Variants in NKD1 observed in about 807,000 individuals in gnomAD.
The protein encoded by NKD1 is NKD inhibitor of Wnt signaling pathway 1, also known as protein naked cuticle homolog 1.
Under a neutral mutation model 56.0 loss-of-function variants are expected in NKD1, and 21 were observed. The observed-to-expected ratio is 0.38, with a 90% CI of 0.27 to 0.54. The LOEUF is 0.54. Ranked by LOEUF, NKD1 falls within the 20% of genes least tolerant of loss-of-function variation. The pLI is 0.82. For missense variants in NKD1, 578 were observed against 642.7 expected (o/e 0.90, Z 1.09); for synonymous variants, 263 against 265.7 (o/e 0.99, Z 0.10).
Position 50,598,472 on chromosome 16 carries a change from C to T in NKD1, c.193-9822C>T, listed in dbSNP as rs1961524992. On this transcript the variant is annotated intron_variant, in intron 3 of 9. Coordinates refer to ENST00000268459, the MANE Select transcript of NKD1 (RefSeq NM_033119.5). This position sits in a 1 kb window ranked among gnomAD's most constrained non-coding sequence, Gnocchi z 4.2. ...TGGGCAGGAGCACACATCCTTTCCC[C>T]ACAGTGAGGTGGCCTATGGCTATGG... Among the ~76,000 whole-genome samples the T allele has an allele frequency of 6.6e-6, 1 of 152,192 alleles. No individual in the cohort carries two copies. Among genetic ancestry groups the T allele is most frequent in the Admixed American group, 6.5e-5 (1 of 15,288 alleles).
chr16:50,569,292 T>C (rs942203391), intron 3 of NKD1, among the ~76,000 whole-genome samples: 2 of 152,220 alleles, frequency 1.3e-5, no homozygotes, highest in African/African-American at 4.8e-5. Context: ...TGGCCCCTTT[T>C]CCTGCTTCCA....
At chr16:50,576,497 T>G (rs1960997015) in intron 3 of NKD1, among the ~76,000 whole-genome samples, 1 of 152,196 alleles carries the variant, frequency 6.6e-6, no homozygotes, top group Admixed American at 6.5e-5. Flanking sequence ...TTGTTATGTT[T>G]CTGATTATCC....
intron 3 of NKD1, chr16:50,606,935 T>G (rs1203589775): frequency 2.2e-6 from 1 of 456,664 alleles, no homozygotes; most frequent in African/African-American, 2.0e-5. Context: ...ATCCCTTTCC[T>G]GTCATCGTCT....
At chr16:50,568,681 G>T (rs577094738) in intron 3 of NKD1, among the ~76,000 whole-genome samples, 51 of 152,228 alleles carry the variant, frequency 3.4e-4, no homozygotes, top group African/African-American at 1.2e-3. Flanking sequence ...GGCCTCCTTA[G>T]CAGGTTGGAG....
At position 50,639,177 on chromosome 16, in the gene NKD1, TGA is replaced by T. The variant is rs1962529995; in HGVS notation, c.*5397_*5398del. ...CATCATGATGTTTCAGGCCCCCAGG[TGA>T]CTTCTTAGGCAGCCCAGCTAAGCCC... On this transcript the variant is annotated 3_prime_UTR_variant, in exon 10 of 10. Transcript: ENST00000268459. The T allele has an allele frequency of 6.6e-6, 1 of 151,998 alleles. No homozygotes were observed. The highest frequency in any genetic ancestry group is 1.5e-5 in the Non-Finnish European group (1 of 68,030). The allele number at this position is 151,998 out of a possible 1,614,324, so 9.4% of individuals were successfully genotyped here.
chr16:50,617,935 T>G (rs922501500), intron 4 of NKD1, among the ~76,000 whole-genome samples: 57 of 152,286 alleles, frequency 3.7e-4, no homozygotes, highest in African/African-American at 1.4e-3. Context: ...TAGTATGTAT[T>G]TTAGACTTTG....
intron 3 of NKD1, among the ~76,000 whole-genome samples, chr16:50,593,686 A>G (rs1312645110): frequency 6.6e-6 from 1 of 152,064 alleles, no homozygotes; most frequent in African/African-American, 2.4e-5. Flanking sequence ...GGGTGAGAGG[A>G]ATGGAGGGGC....
At chr16:50,586,745 C>G (rs1393302142) in intron 3 of NKD1, among the ~76,000 whole-genome samples, 1 of 152,208 alleles carries the variant, frequency 6.6e-6, no homozygotes, top group Non-Finnish European at 1.5e-5. Flanking sequence ...TCTGTGCATC[C>G]TGTACAGAAG....
chr16:50,557,986 G>A (rs967767534), intron 3 of NKD1: 1 of 152,238 alleles, frequency 6.6e-6, no homozygotes, highest in African/African-American at 2.4e-5. Flanking sequence ...TCTGAGAGGG[G>A]TGGGAACCGG....
At chr16:50,548,651 T>C (rs1960293216) in intron 1 of NKD1, 66 bp from the exon 2 acceptor site, 2 of 1,463,336 alleles carry the variant, frequency 1.4e-6, no homozygotes. Context: ...CTCTCTCCCT[T>C]CCTTTCTTTC....
At position 50,642,833 on chromosome 16, in the gene NKD1, C is replaced by T. The variant is rs1298330566; in HGVS notation, c.*9052C>T. On this transcript the variant is annotated 3_prime_UTR_variant, in exon 10 of 10. Transcript: ENST00000268459. The stretch of plus-strand genomic sequence containing the variant: ...TGGCATGCTGCCTCTGCTACACACT[C>T]AAAAAACACTTGAGGACATGACTTT... 1 of 152,220 alleles carries T rather than the reference C, an allele frequency of 6.6e-6. No individual in the cohort carries two copies. Among genetic ancestry groups the T allele is most frequent in the Non-Finnish European group, 1.5e-5 (1 of 68,064 alleles). 9.4% of individuals were successfully genotyped at this position (152,220 alleles called of 1,614,324 possible).
intron 3 of NKD1, chr16:50,555,832 A>G (rs190034498): frequency 6.6e-6 from 1 of 152,428 alleles, no homozygotes; most frequent in East Asian, 1.9e-4. Flanking sequence ...GTTGGATTCC[A>G]AACCAGGCAC....
chr16:50,610,435 G>A (rs889516371), intron 4 of NKD1, among the ~76,000 whole-genome samples: 7 of 152,316 alleles, frequency 4.6e-5, no homozygotes, highest in Middle Eastern at 6.8e-3. Context: ...CCCAGGGTGG[G>A]GGATATGGTG....
At chr16:50,596,189 C>T (rs549616694) in intron 3 of NKD1, among the ~76,000 whole-genome samples, 1 of 152,240 alleles carries the variant, frequency 6.6e-6, no homozygotes, top group East Asian at 1.9e-4. Context: ...TGGAAGGGAG[C>T]AATGGGGTCT....
At position 50,634,281 on chromosome 16, in the gene NKD1, C is replaced by T. The variant is rs1962420549; in HGVS notation, c.*500C>T. ...ATATGCTACAAGGGATTTCAGTGGA[C>T]TGCAGAGTGCGAACGTCTTGCTGTT... On this transcript the variant is annotated 3_prime_UTR_variant, in exon 10 of 10. Transcript: ENST00000268459. 6.5e-6 allele frequency: 1 copy of T among 153,078 alleles called. No homozygotes were observed. Among genetic ancestry groups the T allele is most frequent in the African/African-American group, 2.4e-5 (1 of 41,472 alleles). The allele number at this position is 153,078 out of a possible 1,614,324, so 9.5% of individuals were successfully genotyped here. A position where few individuals can be genotyped will look rare whatever the true frequency, so the allele number is the denominator to read the frequency against.
chr16:50,613,976 C>G (rs1157037542), intron 4 of NKD1, among the ~76,000 whole-genome samples: 1 of 152,188 alleles, frequency 6.6e-6, no homozygotes, highest in East Asian at 1.9e-4. Context: ...CCGCTTTTCC[C>G]CCTTTTTTGT....
chr16:50,549,681 A>C, intron 3 of NKD1, 126 bp downstream of exon 3: 11 of 968,864 alleles, frequency 1.1e-5, no homozygotes, highest in Admixed American at 3.5e-5. Context: ...ATCTCTTCTC[A>C]GCTGCCCCCT....
Position 50,600,876 on chromosome 16 carries a change from T to C in NKD1, c.193-7418T>C, listed in dbSNP as rs533656775. On this transcript the variant is annotated intron_variant, in intron 3 of 9. Transcript: ENST00000268459. ...CTCCTTGCTGGCTGTCCACCTTCCC[T>C]GTGCAAACTCTCAAGCCCAGGAAGC... Among the ~76,000 whole-genome samples, 95 of 152,330 alleles carry C rather than the reference T, an allele frequency of 6.2e-4. 1 individual carries two copies. The highest frequency in any genetic ancestry group is 2.2e-3 in the African/African-American group (92 of 41,574).
intron 3 of NKD1, among the ~76,000 whole-genome samples, chr16:50,586,262 G>C (rs1287416187): frequency 6.6e-6 from 1 of 152,034 alleles, no homozygotes; most frequent in Admixed American, 6.5e-5. Context: ...ATACCAGCAC[G>C]TGGGATCTGG....
Sources: gnomAD v4.1 joint callset for allele counts (sites outside exome capture counted in the v4.1 genomes callset) on GRCh38, gnomAD v4.1.1 for gene constraint, Gnocchi (gnomAD v3.1) non-coding constraint, MANE v1.5 for transcripts, NCBI Gene and HGNC (gene_info 2026-07-23, HGNC 2026-07-21) for gene names.